UNC13C: variants seen among roughly 807,000 people sequenced by gnomAD.
UNC13C encodes the protein unc-13 homolog C.
A neutral mutation model predicts 245.4 loss-of-function variants in UNC13C; 174 were observed. The ratio of observed to expected loss-of-function variants is 0.71; its 90% confidence interval spans 0.63 to 0.80. UNC13C has a LOEUF of 0.80. UNC13C is among the 30% of genes least tolerant of loss of function. The pLI, the probability that UNC13C is intolerant of heterozygous loss-of-function variation, is 0.00. For synonymous variants in UNC13C, 992 were observed against 895.1 expected, an observed-to-expected ratio of 1.11 and a Z score of -1.93; for missense variants, 2,829 against 2,602.9, an observed-to-expected ratio of 1.09 and a Z score of -1.89.
Position 54,250,279 on chromosome 15 carries a change from A to C in UNC13C, c.3283A>C (p.Thr1095Pro). 1 of 1,613,950 alleles carries C rather than the reference A, an allele frequency of 6.2e-7. No individual in the cohort carries two copies. Among genetic ancestry groups the C allele is most frequent in the Non-Finnish European group, 8.5e-7 (1 of 1,179,878 alleles). ...GGCACTGATCTACCCTATGTCTTCTACCATCCCACACAATTTTGAGGTCTG... is the reference window on the plus strand; with the variant it reads ...GGCACTGATCTACCCTATGTCTTCTCCCATCCCACACAATTTTGAGGTCTG... ...LQALIYPMSSTIPHNFEVWTA... is the reference protein window; with the variant it reads ...LQALIYPMSSPIPHNFEVWTA... The change falls in exon 8 of 33, where the codon ACC becomes CCC. Residue 1095 changes from threonine to proline, a missense_variant. Coordinates refer to ENST00000260323, the MANE Select transcript of UNC13C (RefSeq NM_001080534.3).
intron 30 of UNC13C, among the ~76,000 whole-genome samples, chr15:54,613,019 A>G (rs1250044463): frequency 1.3e-5 from 2 of 151,892 alleles, no homozygotes; most frequent in Non-Finnish European, 2.9e-5. Context: ...ACATAAAATT[A>G]GGAGATTATT....
intron 8 of UNC13C, among the ~76,000 whole-genome samples, chr15:54,257,127 T>A: frequency 6.6e-6 from 1 of 152,246 alleles, no homozygotes; most frequent in Non-Finnish European, 1.5e-5. Context: ...GTGTTTAATT[T>A]TCTTTTGCTT....
At chr15:54,626,798 G>A (rs1220161100) in intron 32 of UNC13C, 30 bp from the exon 33 acceptor site, 2 of 1,583,186 alleles carry the variant, frequency 1.3e-6, no homozygotes, top group Non-Finnish European at 1.7e-6. Flanking sequence ...TAAAGTTTTT[G>A]CTCAAAATTT....
chr15:54,184,515 G>A (rs576939013), intron 4 of UNC13C, among the ~76,000 whole-genome samples: 22 of 152,174 alleles, frequency 1.4e-4, no homozygotes, highest in Admixed American at 1.1e-3. Flanking sequence ...AGAACATGCA[G>A]TGTTTGGTTT....
chr15:54,619,153 GTCA>G (rs1900639519), intron 30 of UNC13C, among the ~76,000 whole-genome samples: 1 of 152,072 alleles, frequency 6.6e-6, no homozygotes, highest in African/African-American at 2.4e-5. Flanking sequence ...AGCTTTTTAT[GTCA>G]TCACCTACCT....
intron 4 of UNC13C, among the ~76,000 whole-genome samples, chr15:54,230,547 A>G (rs1486600555): frequency 1.3e-5 from 2 of 152,064 alleles, no homozygotes; most frequent in Non-Finnish European, 2.9e-5. Context: ...ATTACAGAAC[A>G]TATGTAATTT....
In UNC13C at chr15:54,500,978, G is replaced by A. The variant is rs567873907; in HGVS notation, c.5301G>A (p.Lys1767=). The A allele has an allele frequency of 1.2e-6, 2 of 1,611,554 alleles. No homozygotes were observed. The highest frequency in any genetic ancestry group is 1.3e-5 in the African/African-American group (1 of 74,888). Residue 1767 remains lysine (K), a splice_region_variant and synonymous_variant, in exon 22 of 33, where the codon AAG becomes AAA. Transcript: ENST00000260323. ...CTCACTTAATGAGAAGATTTGCAAA[G>A]GTAGGTTAAATAAAATGAGTCTTCT... is the stretch of plus-strand genomic sequence containing the variant. ...ALSHLMRRFA[K]TINKVLLQYA...
intron 19 of UNC13C, among the ~76,000 whole-genome samples, chr15:54,448,947 G>A (rs947403237): frequency 6.6e-6 from 1 of 152,178 alleles, no homozygotes; most frequent in African/African-American, 2.4e-5. Flanking sequence ...GCTTCCTTCA[G>A]GAGCTCTTGC....
the UNC13C span, among the ~76,000 whole-genome samples, chr15:53,917,495 G>T: frequency 1.3e-5 from 2 of 152,218 alleles, no homozygotes; most frequent in Non-Finnish European, 2.9e-5. Flanking sequence ...ATCGTTGATT[G>T]TCATTTGCCT....
intron 17 of UNC13C, among the ~76,000 whole-genome samples, chr15:54,391,966 G>A (rs1230921539): frequency 6.6e-6 from 1 of 152,014 alleles, no homozygotes; most frequent in East Asian, 1.9e-4. Flanking sequence ...AGAAGACATG[G>A]CAATTGGATA....
rs1004595124 is a variant in UNC13C, at chr15:54,478,969, G to A, written c.4934-15639G>A. Among the ~76,000 whole-genome samples the A allele has an allele frequency of 6.6e-5, 10 of 151,802 alleles. 1 individual carries two copies. In the South Asian group the frequency reaches 1.9e-3, roughly 29 times the overall value. ...CTAAGTCTCTTTGTAGGTCATTCAG[G>A]ACTTGCTTTATGAATCTGGGTGCTC... On this transcript the variant is annotated intron_variant, in intron 19 of 32. Coordinates refer to ENST00000260323, the MANE Select transcript of UNC13C (RefSeq NM_001080534.3).
chr15:54,256,280 A>T (rs142989533), intron 8 of UNC13C, among the ~76,000 whole-genome samples: 30 of 152,296 alleles, frequency 2.0e-4, no homozygotes, highest in Non-Finnish European at 3.5e-4. Context: ...TCTCGGCAAG[A>T]TCGTGCTAGA....
At chr15:54,450,505 C>G (rs536811516) in intron 19 of UNC13C, among the ~76,000 whole-genome samples, 1 of 152,322 alleles carries the variant, frequency 6.6e-6, no homozygotes, top group East Asian at 1.9e-4. Context: ...TGCTGCCTTG[C>G]AGATGGATCT....
rs371937973 is a variant in UNC13C at position 54,014,688 on chromosome 15, G to T, written c.1785G>T (p.Ala595=). 1 of 1,613,712 alleles carries T rather than the reference G, an allele frequency of 6.2e-7. No individual in the cohort carries two copies. Among genetic ancestry groups the T allele is most frequent in the Non-Finnish European group, 8.5e-7 (1 of 1,179,824 alleles). The change falls in exon 2 of 33, where the codon GCG becomes GCT. Residue 595 remains alanine, a synonymous_variant. Coordinates refer to ENST00000260323, the MANE Select transcript of UNC13C (RefSeq NM_001080534.3). ...ELWQRKQEGT[A]TLYDSPKDQH... is the part of the protein sequence containing the mutation. ...GGCAGAGGAAACAGGAAGGAACAGC[G>T]ACCCTGTATGACAGTCCCAAGGACC...
At chr15:54,579,793 A>G (rs1394254497) in intron 30 of UNC13C, among the ~76,000 whole-genome samples, 2 of 152,198 alleles carry the variant, frequency 1.3e-5, no homozygotes, top group Non-Finnish European at 2.9e-5. Context: ...TTTAGGATTT[A>G]AAGAATCTTA....
chr15:53,931,262 G>A, the UNC13C span, among the ~76,000 whole-genome samples: 3 of 151,994 alleles, frequency 2.0e-5, no homozygotes, highest in South Asian at 2.1e-4. Context: ...TCTGCCTCTC[G>A]GGTTCAAGTG....
chr15:54,250,168 A>T lies in UNC13C; in HGVS notation c.3229-57A>T, dbSNP rs1036165894. The T allele has an allele frequency of 2.0e-6, 3 of 1,523,414 alleles. No homozygotes were observed. The African/African-American group carries it at 4.1e-5, about 21-fold the overall frequency. The allele number at this position is 1,523,414 out of a possible 1,614,324, so 94.4% of individuals were successfully genotyped here. ...TGATAAAATGGTTTGTTTTATTTTG[A>T]AACAATTCAAATCCACTGACTTGGC... On this transcript the variant is annotated intron_variant, in intron 7 of 32. Transcript: ENST00000260323.
chr15:54,619,995 A>C (rs931763786), intron 30 of UNC13C, among the ~76,000 whole-genome samples: 4 of 151,510 alleles, frequency 2.6e-5, no homozygotes, highest in African/African-American at 9.7e-5. Context: ...TTTCTAGCCC[A>C]TTGTTTCTAA....
the UNC13C span, among the ~76,000 whole-genome samples, chr15:53,879,204 C>T: frequency 6.6e-6 from 1 of 152,090 alleles, no homozygotes; most frequent in Non-Finnish European, 1.5e-5. Flanking sequence ...CTCTGTTGAC[C>T]AGGCTGCAGT....
Sources: gnomAD v4.1 joint callset for allele counts (sites outside exome capture counted in the v4.1 genomes callset) on GRCh38, gnomAD v4.1.1 for gene constraint, MANE v1.5 for transcripts, NCBI Gene and HGNC (gene_info 2026-07-23, HGNC 2026-07-21) for gene names.